Variants in CHSY3 observed in about 807,000 individuals in gnomAD.
CHSY3 encodes the protein N-acetylgalactosaminyl-proteoglycan 3-beta-glucuronosyltransferase 3.
CHSY3 carries 35 observed loss-of-function variants against 67.2 expected under a neutral mutation model. The ratio of observed to expected loss-of-function variants is 0.52; its 90% CI spans 0.40 to 0.69. CHSY3 has a LOEUF of 0.69. Among genes scored for constraint, CHSY3 ranks in the 30% least tolerant of loss-of-function variants. CHSY3 has a pLI of 0.00. For synonymous variants in CHSY3, 474 were observed against 434.7 expected, an observed-to-expected ratio of 1.09 and a Z score of -1.12; for missense variants, 1,069 against 1,138.5, an observed-to-expected ratio of 0.94 and a Z score of 0.88.
chr5:129,958,363 A>G (rs1177949386), intron 2 of CHSY3, among the ~76,000 whole-genome samples: 1 of 152,100 alleles, frequency 6.6e-6, no homozygotes, highest in Non-Finnish European at 1.5e-5. Context: ...TCTTGGGAGT[A>G]GGGCATCTGA....
At chr5:130,077,437 A>G (rs1382320185) in intron 2 of CHSY3, among the ~76,000 whole-genome samples, 2 of 152,132 alleles carry the variant, frequency 1.3e-5, no homozygotes, top group Non-Finnish European at 2.9e-5. Context: ...TGTGAACCTA[A>G]GGATGGGCAT....
intron 2 of CHSY3, among the ~76,000 whole-genome samples, chr5:130,006,809 A>G (rs59045674): frequency 6.6e-6 from 1 of 152,204 alleles, no homozygotes. Flanking sequence ...CCTCTAAAAA[A>G]TTTATCTAAT....
intron 2 of CHSY3, among the ~76,000 whole-genome samples, chr5:130,012,455 G>A (rs1016606837): frequency 6.6e-5 from 10 of 152,274 alleles, no homozygotes; most frequent in African/African-American, 1.9e-4. Context: ...TCATGCTACT[G>A]TGACTTAGAC....
intron 2 of CHSY3, among the ~76,000 whole-genome samples, chr5:129,995,207 T>C (rs1763499821): frequency 6.6e-6 from 1 of 152,198 alleles, no homozygotes; most frequent in South Asian, 2.1e-4. Flanking sequence ...CATAGTTTTA[T>C]GTTTATTAGC....
intron 2 of CHSY3, among the ~76,000 whole-genome samples, chr5:130,054,905 G>A (rs1344021460): frequency 6.6e-6 from 1 of 152,146 alleles, no homozygotes; most frequent in Non-Finnish European, 1.5e-5. Context: ...CCTACCTAAT[G>A]TAGTCAGCCA....
intron 2 of CHSY3, among the ~76,000 whole-genome samples, chr5:129,946,648 C>A (rs944952974): frequency 2.0e-5 from 3 of 152,184 alleles, no homozygotes. Context: ...TCTGCCATTT[C>A]TATGAGTTTG....
chr5:129,970,048 C>T (rs1762594924), intron 2 of CHSY3, among the ~76,000 whole-genome samples: 1 of 151,856 alleles, frequency 6.6e-6, no homozygotes, highest in Non-Finnish European at 1.5e-5. Context: ...ATCTGCAAAG[C>T]TGCCTCTTTC....
chr5:130,176,892 G>C (rs1342819732), intron 2 of CHSY3, among the ~76,000 whole-genome samples: 2 of 152,064 alleles, frequency 1.3e-5, no homozygotes, highest in Non-Finnish European at 2.9e-5. Flanking sequence ...CCTAATGTAG[G>C]TGATGGGTTG....
At chr5:130,115,234 T>A (rs1767752972) in intron 2 of CHSY3, among the ~76,000 whole-genome samples, 3 of 152,040 alleles carry the variant, frequency 2.0e-5, no homozygotes, top group Non-Finnish European at 2.9e-5. Context: ...TAGTTCTTTT[T>A]TCCCCCCATT....
intron 2 of CHSY3, among the ~76,000 whole-genome samples, chr5:130,167,104 T>C (rs543401243): frequency 2.0e-5 from 3 of 152,242 alleles, no homozygotes; most frequent in Admixed American, 1.3e-4. Context: ...TCCTTTTTTT[T>C]CCCCTGCTCC....
At chr5:130,094,848 A>T (rs1367303678) in intron 2 of CHSY3, among the ~76,000 whole-genome samples, 1 of 152,110 alleles carries the variant, frequency 6.6e-6, no homozygotes, top group Non-Finnish European at 1.5e-5. Context: ...CTATAAAATA[A>T]AGATAAAAGG....
At chr5:129,973,147 T>C (rs1387528139) in intron 2 of CHSY3, among the ~76,000 whole-genome samples, 1 of 152,130 alleles carries the variant, frequency 6.6e-6, no homozygotes, top group Admixed American at 6.6e-5. Context: ...CTTTGTGTCA[T>C]AGATTCTACA....
intron 2 of CHSY3, among the ~76,000 whole-genome samples, chr5:130,107,133 A>T (rs1767435060): frequency 6.6e-6 from 1 of 151,330 alleles, no homozygotes. Flanking sequence ...TAATTGCTTC[A>T]GTTAATGTGC....
chr5:130,077,711 A>G (rs1766314834), intron 2 of CHSY3, among the ~76,000 whole-genome samples: 1 of 152,058 alleles, frequency 6.6e-6, no homozygotes, highest in African/African-American at 2.4e-5. Context: ...GATAATTCAC[A>G]ATTACTGACT....
Position 130,117,138 on chromosome 5 carries a change from A to T in CHSY3, c.1087-67091A>T, listed in dbSNP as rs552019962. Among the ~76,000 whole-genome samples the T allele has an allele frequency of 4.2e-4, 64 of 152,306 alleles. 2 individuals are homozygous for T. The South Asian group carries it at 9.7e-3, about 23-fold the overall frequency. On this transcript the variant is annotated intron_variant, in intron 2 of 2. Coordinates refer to ENST00000305031, the MANE Select transcript of CHSY3 (RefSeq NM_175856.5). Reference sequence around the variant, plus strand: ...TACAGTGGTGTGAGGAGGAGCAATTAGATACCTGTATTTGGACCAGCAGGG... The same window carrying T: ...TACAGTGGTGTGAGGAGGAGCAATTTGATACCTGTATTTGGACCAGCAGGG...
intron 2 of CHSY3, among the ~76,000 whole-genome samples, chr5:130,125,253 CA>C (rs955823839): frequency 1.3e-5 from 2 of 152,048 alleles, no homozygotes. Flanking sequence ...CTCATCTCTC[CA>C]AAAATTAAAC....
At chr5:130,043,187 GTTGT>G (rs895895551) in intron 2 of CHSY3, among the ~76,000 whole-genome samples, 11 of 151,712 alleles carry the variant, frequency 7.3e-5, no homozygotes, top group Non-Finnish European at 1.3e-4. Context: ...TTGTTGTTTT[GTTGT>G]TTGTTTGTTT....
chr5:130,067,055 A>G (rs1464494424), intron 2 of CHSY3, among the ~76,000 whole-genome samples: 1 of 152,110 alleles, frequency 6.6e-6, no homozygotes, highest in African/African-American at 2.4e-5. Flanking sequence ...CTTCAAGTAT[A>G]TTTATATAAC....
At chr5:129,955,117 T>C (rs1472248793) in intron 2 of CHSY3, among the ~76,000 whole-genome samples, 1 of 152,208 alleles carries the variant, frequency 6.6e-6, no homozygotes, top group Non-Finnish European at 1.5e-5. Context: ...TCTGCCCACC[T>C]TGGCCTCCCA....
Sources: gnomAD v4.1 joint callset for allele counts (sites outside exome capture counted in the v4.1 genomes callset) on GRCh38, gnomAD v4.1.1 for gene constraint, MANE v1.5 for transcripts, NCBI Gene and HGNC (gene_info 2026-07-23, HGNC 2026-07-21) for gene names.